The following DENND2C variants were observed in gnomAD, a reference collection of about 807,000 sequenced individuals.
DENND2C encodes the protein DENN domain containing 2C.
Under a neutral mutation model 112.4 loss-of-function variants are expected in DENND2C, and 72 were observed. The ratio of observed to expected loss-of-function variants is 0.64; its 90% CI spans 0.53 to 0.78. DENND2C has a LOEUF of 0.78. Ranked by LOEUF, DENND2C falls within the 30% of genes least tolerant of loss-of-function variation. DENND2C has a pLI of 0.00. For synonymous variants in DENND2C, 329 were observed against 381.6 expected (o/e 0.86, Z 1.61); for missense variants, 992 against 1,113.8 (o/e 0.89, Z 1.56).
chr1:114,649,064 C>T (rs989980978), intron 2 of DENND2C, among the ~76,000 whole-genome samples: 1 of 151,912 alleles, frequency 6.6e-6, no homozygotes, highest in East Asian at 1.9e-4. Flanking sequence ...AAATGATTCT[C>T]CTGCCTCAGC....
At chr1:114,606,858 AG>A (rs1357009694) in intron 10 of DENND2C, among the ~76,000 whole-genome samples, 1 of 152,158 alleles carries the variant, frequency 6.6e-6, no homozygotes, top group Non-Finnish European at 1.5e-5. Context: ...TGTTTCGACT[AG>A]GGGTTGGGAA....
chr1:114,643,782 TTGAGA>T (rs1313521740), intron 3 of DENND2C, among the ~76,000 whole-genome samples: 1 of 152,202 alleles, frequency 6.6e-6, no homozygotes, highest in African/African-American at 2.4e-5. Context: ...ATCAAGTCTG[TTGAGA>T]TATTTGTCAT....
At chr1:114,650,728 T>C (rs1266770008) in intron 2 of DENND2C, among the ~76,000 whole-genome samples, 1 of 151,726 alleles carries the variant, frequency 6.6e-6, no homozygotes, top group African/African-American at 2.4e-5. Context: ...CAGGCTTTCT[T>C]AAGAAACACA....
At chr1:114,663,632 C>T (rs1320657985) in intron 1 of DENND2C, among the ~76,000 whole-genome samples, 1 of 152,080 alleles carries the variant, frequency 6.6e-6, no homozygotes, top group Non-Finnish European at 1.5e-5. Context: ...CAAATTTGGC[C>T]CACTGCCTGT....
Position 114,604,905 on chromosome 1 carries a change from T to C in DENND2C, c.1667+17A>G, listed in dbSNP as rs375940676. 1.3e-6 allele frequency: 2 copies of C among 1,559,482 alleles called. No homozygotes were observed. Among genetic ancestry groups the C allele is most frequent in the Non-Finnish European group, 1.8e-6 (2 of 1,131,216 alleles). On this transcript the variant is annotated intron_variant, in intron 11 of 20. Coordinates refer to ENST00000393274, the MANE Select transcript of DENND2C (RefSeq NM_001256404.2). ...GCAGGTCTAATGAATAGAAATCAGATAAATTAGCCCATTTACCTCTTGAGT... is the reference window on the plus strand; with the variant it reads ...GCAGGTCTAATGAATAGAAATCAGACAAATTAGCCCATTTACCTCTTGAGT...
At chr1:114,590,639 G>GA (rs1655159761) in intron 18 of DENND2C, among the ~76,000 whole-genome samples, 3 of 151,858 alleles carry the variant, frequency 2.0e-5, no homozygotes. Flanking sequence ...TTAGCCGGGC[G>GA]AGGTGGCAGG....
At chr1:114,644,340 G>GA (rs1451241986) in intron 3 of DENND2C, among the ~76,000 whole-genome samples, 1 of 151,974 alleles carries the variant, frequency 6.6e-6, no homozygotes, top group Non-Finnish European at 1.5e-5. Flanking sequence ...TCCCTCACTG[G>GA]AATATAAGCT....
At chr1:114,627,512 A>C (rs1656378349) in intron 3 of DENND2C, among the ~76,000 whole-genome samples, 1 of 152,006 alleles carries the variant, frequency 6.6e-6, no homozygotes, top group Non-Finnish European at 1.5e-5. Flanking sequence ...TTTTATTTAA[A>C]CCATTCCTAC....
intron 8 of DENND2C, among the ~76,000 whole-genome samples, chr1:114,614,583 T>C (rs893594087): frequency 3.9e-5 from 6 of 152,174 alleles, no homozygotes; most frequent in African/African-American, 1.4e-4. Flanking sequence ...TGGAGGATTT[T>C]TTTTTTCTTT....
chr1:114,665,522 A>G (rs911070753), intron 1 of DENND2C, among the ~76,000 whole-genome samples: 3 of 152,180 alleles, frequency 2.0e-5, no homozygotes, highest in Admixed American at 6.5e-5. Flanking sequence ...ACCCTCCTTA[A>G]CTTATGATGG....
intron 17 of DENND2C, chr1:114,595,475 T>TC (rs1156607068): frequency 6.4e-6 from 1 of 157,064 alleles, no homozygotes; most frequent in African/African-American, 2.7e-5. Flanking sequence ...AGAGCGAGAC[T>TC]CCATCTCAAA....
At chr1:114,604,885 T>C in intron 11 of DENND2C, 37 bp downstream of exon 11, 1 of 1,413,914 alleles carries the variant, frequency 7.1e-7, no homozygotes, top group Non-Finnish European at 1.0e-6. Flanking sequence ...TTTTTGCAGG[T>C]CTAATGAATA....
chr1:114,596,127 C>T (rs886638645), intron 16 of DENND2C, among the ~76,000 whole-genome samples: 3 of 152,190 alleles, frequency 2.0e-5, no homozygotes, highest in African/African-American at 4.8e-5. Flanking sequence ...AATCCCAGCA[C>T]TTTGGAAAGC....
chr1:114,625,372 G>A lies in DENND2C; in HGVS notation c.613C>T (p.Pro205Ser). The A allele has an allele frequency of 6.2e-7, 1 of 1,614,148 alleles. No individual in the cohort carries two copies. Among genetic ancestry groups the A allele is most frequent in the Non-Finnish European group, 8.5e-7 (1 of 1,180,022 alleles). Residue 205 changes from proline to serine, a missense_variant, in exon 4 of 21, where the codon CCT becomes TCT. Coordinates refer to ENST00000393274, the MANE Select transcript of DENND2C (RefSeq NM_001256404.2). ...YSEPEGQECG[P>S]SINPLPKPRR... Reference sequence around the variant, plus strand: ...GGTTTTGGCAAAGGATTTATGGAAGGTCCACATTCTTGCCCCTCAGGTTCA... The same window carrying A: ...GGTTTTGGCAAAGGATTTATGGAAGATCCACATTCTTGCCCCTCAGGTTCA...
chr1:114,641,882 CA>C (rs760833900), intron 3 of DENND2C, among the ~76,000 whole-genome samples: 4 of 151,870 alleles, frequency 2.6e-5, no homozygotes, highest in Non-Finnish European at 5.9e-5. Context: ...ATGATGCATA[CA>C]AAAATAAGAT....
chr1:114,626,885 A>C (rs1479407385), intron 3 of DENND2C, among the ~76,000 whole-genome samples: 1 of 151,042 alleles, frequency 6.6e-6, no homozygotes, highest in Non-Finnish European at 1.5e-5. Flanking sequence ...ACATCTCAAA[A>C]CCCCCCCAAA....
chr1:114,659,817 G>A (rs1462406307), intron 1 of DENND2C, among the ~76,000 whole-genome samples: 1 of 117,918 alleles, frequency 8.5e-6, no homozygotes, highest in Non-Finnish European at 1.6e-5. Flanking sequence ...TCCTTCCCAA[G>A]GTCTTATCCT....
chr1:114,654,339 G>A (rs1218850816), intron 2 of DENND2C, among the ~76,000 whole-genome samples, 166 bp downstream of exon 2: 1 of 152,056 alleles, frequency 6.6e-6, no homozygotes, highest in Non-Finnish European at 1.5e-5. Context: ...GGCTGAGGCA[G>A]GGGAATGGCA....
intron 8 of DENND2C, among the ~76,000 whole-genome samples, chr1:114,613,787 T>C (rs1001771751): frequency 2.0e-5 from 3 of 152,184 alleles, no homozygotes; most frequent in African/African-American, 7.2e-5. Flanking sequence ...AGTGGGATTA[T>C]GAGCCAAGAG....
Sources: gnomAD v4.1 joint callset for allele counts (sites outside exome capture counted in the v4.1 genomes callset) on GRCh38, gnomAD v4.1.1 for gene constraint, MANE v1.5 for transcripts, NCBI Gene and HGNC (gene_info 2026-07-23, HGNC 2026-07-21) for gene names.